Variants in KPNA5 observed in about 807,000 individuals in gnomAD.
KPNA5 encodes the protein karyopherin subunit alpha 5.
KPNA5 carries 46 observed loss-of-function variants against 71.3 expected under a neutral mutation model. That is an observed-to-expected ratio of 0.65 (90% CI 0.51 to 0.83). The LOEUF (loss-of-function observed/expected upper bound fraction) is 0.83. KPNA5 is among the 40% of genes least tolerant of loss of function. The pLI is 0.00. For synonymous variants in KPNA5, 207 were observed against 201.4 expected (o/e 1.03, Z -0.24); for missense variants, 547 against 628.3 (o/e 0.87, Z 1.38).
chr6:116,705,058 T>G lies in KPNA5; in HGVS notation c.568-14T>G. The stretch of plus-strand genomic sequence containing the variant: ...TTAAAATATTGTCTTAAGATAATTT[T>G]TTTTTTTCCTAAGGCTGTTTGGGCA... On this transcript the variant is annotated splice_polypyrimidine_tract_variant and intron_variant, in intron 6 of 13. Transcript: ENST00000368564. 1 of 1,590,092 alleles carries G rather than the reference T, an allele frequency of 6.3e-7. No homozygotes were observed.
intron 8 of KPNA5, among the ~76,000 whole-genome samples, chr6:116,718,494 C>CTCAG (rs896941231): frequency 6.6e-6 from 1 of 152,028 alleles, no homozygotes; most frequent in African/African-American, 2.4e-5. Context: ...AACTCCTGAC[C>CTCAG]TCAGGCAAGC....
At position 116,701,570 on chromosome 6, in the gene KPNA5, A is replaced by G. The variant is rs548948310; in HGVS notation, c.436-449A>G. Among the ~76,000 whole-genome samples the G allele has an allele frequency of 3.9e-5, 6 of 152,284 alleles. No homozygotes were observed. In the South Asian group the frequency reaches 1.2e-3, roughly 32 times the overall value. ...AACTTCTAATTTTTTTGTTTCTTAAATAGTAGGTTGAGGTTACATGATCTG... is the reference window on the plus strand; with the variant it reads ...AACTTCTAATTTTTTTGTTTCTTAAGTAGTAGGTTGAGGTTACATGATCTG... On this transcript the variant is annotated intron_variant, in intron 5 of 13. Coordinates refer to ENST00000368564, the MANE Select transcript of KPNA5 (RefSeq NM_001366306.2).
intron 2 of KPNA5, among the ~76,000 whole-genome samples, chr6:116,689,911 T>C (rs1161464031): frequency 6.6e-6 from 1 of 152,234 alleles, no homozygotes; most frequent in African/African-American, 2.4e-5. Flanking sequence ...ATATGTGACA[T>C]AAAGAATATA....
intron 6 of KPNA5, 79 bp downstream of exon 6, chr6:116,702,229 A>T (rs753364691): frequency 1.1e-4 from 156 of 1,459,158 alleles, no homozygotes; most frequent in Non-Finnish European, 1.4e-4. Flanking sequence ...TACGATGTGT[A>T]ATTCATTTTT....
At chr6:116,710,873 T>TTATATATATATA (rs1215252100) in intron 7 of KPNA5, among the ~76,000 whole-genome samples, 2 of 84,902 alleles carry the variant, frequency 2.4e-5, no homozygotes, top group African/African-American at 4.2e-5. Flanking sequence ...TAATATTATT[T>TTATATATATATA]TATATATATA....
At chr6:116,719,659 C>T (rs1031562712) in intron 8 of KPNA5, among the ~76,000 whole-genome samples, 6 of 151,870 alleles carry the variant, frequency 4.0e-5, no homozygotes, top group Non-Finnish European at 8.8e-5. Context: ...CCAGCCTGGG[C>T]AACATTGTAA....
In KPNA5 at chr6:116,702,083, T is replaced by C. The variant is rs757860290; in HGVS notation, c.500T>C (p.Ile167Thr). Reference protein sequence around the residue: ...SGTFLHTKVVIETGAVPIFIK... With the variant: ...SGTFLHTKVVTETGAVPIFIK... ...ACTTTTCTGCATACCAAGGTAGTGA[T>C]TGAAACTGGGGCTGTTCCGATTTTT... The change falls in exon 6 of 14, where the codon ATT (isoleucine) becomes ACT (threonine). Residue 167 changes from isoleucine to threonine, a missense_variant. By Grantham distance (89) the Ile-to-Thr change is moderately conservative (BLOSUM62 -1). Transcript: ENST00000368564. The C allele has an allele frequency of 1.9e-6, 3 of 1,614,020 alleles. No homozygotes were observed. Among genetic ancestry groups the C allele is most frequent in the South Asian group, 1.1e-5 (1 of 91,076 alleles).
intron 5 of KPNA5, among the ~76,000 whole-genome samples, chr6:116,700,251 C>T (rs1349181010): frequency 6.6e-6 from 1 of 152,040 alleles, no homozygotes; most frequent in African/African-American, 2.4e-5. Context: ...GAGGGAGGAC[C>T]TCTTGAACCC....
chr6:116,705,288 A>G, intron 7 of KPNA5, 128 bp downstream of exon 7: 1 of 633,492 alleles, frequency 1.6e-6, no homozygotes. Flanking sequence ...CAGTAGCTTG[A>G]CAGCAGGTAG....
At chr6:116,712,519 G>A (rs1294869371) in intron 7 of KPNA5, among the ~76,000 whole-genome samples, 1 of 151,588 alleles carries the variant, frequency 6.6e-6, no homozygotes, top group African/African-American at 2.4e-5. Flanking sequence ...TATGGGTTTT[G>A]TTTTGTTTTG....
chr6:116,714,937 G>A lies in KPNA5; in HGVS notation c.657-1282G>A, dbSNP rs77380399. Among the ~76,000 whole-genome samples the A allele has an allele frequency of 8.0e-3, 1,219 of 152,274 alleles. 10 individuals carry two copies. The highest frequency in any genetic ancestry group is 0.014 in the Non-Finnish European group (945 of 68,014). Reference sequence around the variant, plus strand: ...GAGAACTCAGGCTGCTGTCTTAAAGGTTGCTGCCAGGCTGGGGAGGGGGTT... The same window carrying A: ...GAGAACTCAGGCTGCTGTCTTAAAGATTGCTGCCAGGCTGGGGAGGGGGTT... On this transcript the variant is annotated intron_variant, in intron 7 of 13. Coordinates refer to ENST00000368564, the MANE Select transcript of KPNA5 (RefSeq NM_001366306.2).
chr6:116,684,764 C>G (rs1777504077), intron 1 of KPNA5, among the ~76,000 whole-genome samples: 1 of 152,144 alleles, frequency 6.6e-6, no homozygotes, highest in Non-Finnish European at 1.5e-5. Flanking sequence ...ATCTACAGAT[C>G]AAAGCCTCCT....
At chr6:116,697,768 G>A (rs1373599841) in intron 4 of KPNA5, among the ~76,000 whole-genome samples, 1 of 151,994 alleles carries the variant, frequency 6.6e-6, no homozygotes, top group Non-Finnish European at 1.5e-5. Flanking sequence ...TGCAGGGCAA[G>A]GGAAGGAATA....
Position 116,739,825 on chromosome 6 carries a change from A to T in KPNA5, c.*7502A>T, listed in dbSNP as rs899027718. ...AAAGCTGAAACTGTATCCCTTCCTT[A>T]CACCTTATACAAAAATTAATTCAAG... is the stretch of plus-strand genomic sequence containing the variant. On this transcript the variant is annotated 3_prime_UTR_variant, in exon 14 of 14. Transcript: ENST00000368564. The T allele has an allele frequency of 6.6e-6, 1 of 151,656 alleles. No homozygotes were observed. The highest frequency in any genetic ancestry group is 2.4e-5 in the African/African-American group (1 of 41,126). 9.4% of individuals were successfully genotyped at this position (151,656 alleles called of 1,614,324 possible). A position where few individuals can be genotyped will look rare whatever the true frequency, so the allele number is the denominator to read the frequency against.
intron 4 of KPNA5, among the ~76,000 whole-genome samples, chr6:116,696,176 G>C (rs926470985): frequency 2.6e-5 from 4 of 152,102 alleles, no homozygotes; most frequent in Non-Finnish European, 5.9e-5. Flanking sequence ...CTTTCACAGA[G>C]ACAATTGTGT....
At chr6:116,683,247 A>G (rs1317170820) in intron 1 of KPNA5, among the ~76,000 whole-genome samples, 1 of 152,238 alleles carries the variant, frequency 6.6e-6, no homozygotes, top group Non-Finnish European at 1.5e-5. Context: ...TAATGCATGT[A>G]TAGAAATAAA....
At chr6:116,690,667 G>T (rs927006695) in intron 2 of KPNA5, among the ~76,000 whole-genome samples, 10 of 150,802 alleles carry the variant, frequency 6.6e-5, no homozygotes, top group African/African-American at 2.4e-4. Context: ...AAAGAAGAAC[G>T]ATATTTATTT....
At chr6:116,686,479 A>C (rs1777593401) in intron 1 of KPNA5, among the ~76,000 whole-genome samples, 1 of 152,046 alleles carries the variant, frequency 6.6e-6, no homozygotes. Flanking sequence ...GTTTGCAACA[A>C]TTTTCTCCCA....
intron 7 of KPNA5, among the ~76,000 whole-genome samples, chr6:116,715,798 C>G (rs1778863030): frequency 6.6e-6 from 1 of 151,942 alleles, no homozygotes; most frequent in South Asian, 2.1e-4. Context: ...CGCCTGTAAT[C>G]CCAGCTACTT....
Sources: gnomAD v4.1 joint callset for allele counts (sites outside exome capture counted in the v4.1 genomes callset) on GRCh38, gnomAD v4.1.1 for gene constraint, MANE v1.5 for transcripts, NCBI Gene and HGNC (gene_info 2026-07-23, HGNC 2026-07-21) for gene names.